HPSE2: variants seen among roughly 807,000 people sequenced by gnomAD.
HPSE2 encodes the protein heparanase 2 (inactive).
Under a neutral mutation model 60.5 loss-of-function variants are expected in HPSE2, and 38 were observed. The observed-to-expected ratio is 0.63, with a 90% CI of 0.48 to 0.82. The LOEUF (loss-of-function observed/expected upper bound fraction) is 0.82. Among genes scored for constraint, HPSE2 ranks in the 40% least tolerant of loss-of-function variants. The probability of loss-of-function intolerance (pLI) is 0.00; values close to 1 mark genes in which losing one functional copy is unlikely to be tolerated. For synonymous variants in HPSE2, 295 were observed against 293.2 expected (o/e 1.01, Z -0.06); for missense variants, 713 against 740.4 (o/e 0.96, Z 0.43).
the HPSE2 span, among the ~76,000 whole-genome samples, chr10:99,297,001 G>A: frequency 6.6e-6 from 1 of 152,220 alleles, no homozygotes. Context: ...GAGCAAAGCA[G>A]AGCTGTAATA....
the HPSE2 span, among the ~76,000 whole-genome samples, chr10:99,289,968 T>C: frequency 6.6e-6 from 1 of 152,034 alleles, no homozygotes; most frequent in Non-Finnish European, 1.5e-5. Flanking sequence ...GCACCCAATA[T>C]CTAATATGCT....
At chr10:99,301,814 A>G in the HPSE2 span, among the ~76,000 whole-genome samples, 25,213 of 151,636 alleles carry the variant, frequency 0.17, 3,148 homozygotes, top group African/African-American at 0.35. Flanking sequence ...AGGAGGTCTT[A>G]GCAACAAAAG....
chr10:98,919,632 T>C (rs376995253), intron 3 of HPSE2, among the ~76,000 whole-genome samples: 16 of 152,286 alleles, frequency 1.1e-4, no homozygotes, highest in African/African-American at 3.6e-4. Context: ...TAATCAATAT[T>C]AATGGAAAAA....
intron 3 of HPSE2, among the ~76,000 whole-genome samples, chr10:98,801,751 A>C (rs1669093038): frequency 6.6e-6 from 1 of 152,190 alleles, no homozygotes; most frequent in African/African-American, 2.4e-5. Flanking sequence ...CAATACTGTT[A>C]AAGTGTTCAC....
At chr10:99,205,277 G>A (rs139883014) in intron 2 of HPSE2, among the ~76,000 whole-genome samples, 107 of 152,158 alleles carry the variant, frequency 7.0e-4, no homozygotes, top group African/African-American at 2.5e-3. Context: ...ACCAGATCTG[G>A]TCTGAGTAAT....
intron 5 of HPSE2, among the ~76,000 whole-genome samples, chr10:98,713,299 G>A (rs527426288): frequency 6.6e-6 from 1 of 152,122 alleles, no homozygotes; most frequent in African/African-American, 2.4e-5. Flanking sequence ...TTTAGCAAGT[G>A]ACTGACATCA....
chr10:99,122,096 G>T (rs1844976493), intron 3 of HPSE2, among the ~76,000 whole-genome samples: 1 of 151,962 alleles, frequency 6.6e-6, no homozygotes, highest in South Asian at 2.1e-4. Flanking sequence ...ACTTACATTT[G>T]CATGTGTGCG....
intron 2 of HPSE2, among the ~76,000 whole-genome samples, chr10:99,159,014 G>A (rs1169356952): frequency 1.3e-5 from 2 of 152,014 alleles, no homozygotes; most frequent in Non-Finnish European, 2.9e-5. Context: ...ACAGTGCTTA[G>A]AGAGAAATTT....
chr10:98,551,926 GA>G (rs1484618047), intron 9 of HPSE2, among the ~76,000 whole-genome samples: 1 of 152,104 alleles, frequency 6.6e-6, no homozygotes, highest in African/African-American at 2.4e-5. Flanking sequence ...AACCCCAGGG[GA>G]ACAGCCTAGG....
At chr10:99,058,985 T>C (rs569724087) in intron 3 of HPSE2, among the ~76,000 whole-genome samples, 57 of 152,352 alleles carry the variant, frequency 3.7e-4, no homozygotes, top group African/African-American at 1.3e-3. Context: ...AAAGCAACCA[T>C]AGACAATATG....
rs748393770 is a variant in HPSE2, at chr10:98,761,439, GTTC to G, written c.611-17386_611-17384del. 1.4e-3 allele frequency among the ~76,000 whole-genome samples: 207 copies of G among 151,924 alleles called. 1 individual carries two copies. Among genetic ancestry groups the G allele is most frequent in the Admixed American group, 4.0e-3 (61 of 15,252 alleles). ...CTTCTGCTAACTTTCGGTTTCATTT[GTTC>G]TTCTTTTTCTAATTCCTTGAGATAA... On this transcript the variant is annotated intron_variant, in intron 3 of 11. Coordinates refer to ENST00000370552, the MANE Select transcript of HPSE2 (RefSeq NM_021828.5).
chr10:98,996,451 C>T (rs1411962890), intron 3 of HPSE2, among the ~76,000 whole-genome samples: 1 of 152,152 alleles, frequency 6.6e-6, no homozygotes, highest in African/African-American at 2.4e-5. Context: ...AAACATTAAA[C>T]ATATCTCTAG....
chr10:98,760,782 CTTTGGTATCAGG>C (rs1949987494), intron 3 of HPSE2, among the ~76,000 whole-genome samples: 1 of 152,022 alleles, frequency 6.6e-6, no homozygotes. Context: ...CCTTGTCCAG[CTTTGGTATCAGG>C]TCTTTGATAT....
intron 3 of HPSE2, among the ~76,000 whole-genome samples, chr10:98,801,657 T>A (rs1291428671): frequency 6.6e-6 from 1 of 151,460 alleles, no homozygotes; most frequent in African/African-American, 2.4e-5. Flanking sequence ...ATCTCTACAA[T>A]AAAAACTATA....
At chr10:98,647,070 C>T (rs1946789841) in intron 6 of HPSE2, among the ~76,000 whole-genome samples, 1 of 152,166 alleles carries the variant, frequency 6.6e-6, no homozygotes, top group East Asian at 1.9e-4. Context: ...ATACTGTTAG[C>T]AAGATTACAG....
chr10:99,312,703 A>G, the HPSE2 span, among the ~76,000 whole-genome samples: 1 of 152,240 alleles, frequency 6.6e-6, no homozygotes, highest in Non-Finnish European at 1.5e-5. Flanking sequence ...TAGCCTATGG[A>G]TGAAGAAATA....
At chr10:99,071,852 A>G (rs1357589672) in intron 3 of HPSE2, among the ~76,000 whole-genome samples, 1 of 152,144 alleles carries the variant, frequency 6.6e-6, no homozygotes, top group Non-Finnish European at 1.5e-5. Flanking sequence ...TTCTTGGCAC[A>G]GTTGTTGAAG....
chr10:98,659,022 A>C (rs1021752461), intron 6 of HPSE2, among the ~76,000 whole-genome samples: 1 of 151,914 alleles, frequency 6.6e-6, no homozygotes, highest in African/African-American at 2.4e-5. Context: ...AACCATCATC[A>C]TTATCTAGTT....
the HPSE2 span, among the ~76,000 whole-genome samples, chr10:99,245,487 G>A: frequency 6.6e-6 from 1 of 152,220 alleles, no homozygotes; most frequent in Admixed American, 6.5e-5. Context: ...CAGATAGAGA[G>A]GGACCATCCC....
Sources: gnomAD v4.1 joint callset for allele counts (sites outside exome capture counted in the v4.1 genomes callset) on GRCh38, gnomAD v4.1.1 for gene constraint, MANE v1.5 for transcripts, NCBI Gene and HGNC (gene_info 2026-07-23, HGNC 2026-07-21) for gene names.